Variants in NRXN1 observed in about 807,000 individuals in gnomAD.
NRXN1 encodes neurexin 1, also known as neurexin-1.
NRXN1 carries 39 observed loss-of-function variants against 150.9 expected under a neutral mutation model. The ratio of observed to expected loss-of-function variants is 0.26; its 90% CI spans 0.20 to 0.34. The LOEUF (loss-of-function observed/expected upper bound fraction) is 0.34, where lower values mean the gene tolerates loss of function less well. NRXN1 is among the 10% of genes least tolerant of loss of function. The pLI is 1.00. For synonymous variants in NRXN1, 924 were observed against 757.0 expected (o/e 1.22, Z -3.62); for missense variants, 1,815 against 1,949.9 (o/e 0.93, Z 1.30).
At chr2:50,344,169 C>G (rs2077753737) in intron 17 of NRXN1, among the ~76,000 whole-genome samples, 1 of 152,110 alleles carries the variant, frequency 6.6e-6, no homozygotes. Flanking sequence ...AAGCCATCAC[C>G]CTGCCTGCCG....
chr2:49,982,852 C>T (rs1299728566), intron 21 of NRXN1, among the ~76,000 whole-genome samples: 2 of 152,086 alleles, frequency 1.3e-5, no homozygotes, highest in Non-Finnish European at 2.9e-5. Context: ...GATTACTAGA[C>T]TAAAGACATA....
intron 18 of NRXN1, among the ~76,000 whole-genome samples, chr2:50,135,384 C>T (rs1367018555): frequency 6.6e-6 from 1 of 152,158 alleles, no homozygotes; most frequent in African/African-American, 2.4e-5. Flanking sequence ...TAAGTCTTTT[C>T]TTACAAACTG....
chr2:50,575,108 T>C (rs1411461589), intron 8 of NRXN1, among the ~76,000 whole-genome samples: 1 of 152,210 alleles, frequency 6.6e-6, no homozygotes, highest in Non-Finnish European at 1.5e-5. Flanking sequence ...AAGTTGTGTA[T>C]TAAATGATGT....
At chr2:50,703,303 T>G (rs577227456) in intron 5 of NRXN1, among the ~76,000 whole-genome samples, 1 of 152,174 alleles carries the variant, frequency 6.6e-6, no homozygotes, top group African/African-American at 2.4e-5. Flanking sequence ...ATGGCATATG[T>G]TTAACAGATC....
intron 17 of NRXN1, among the ~76,000 whole-genome samples, chr2:50,434,388 T>C (rs2085255107): frequency 1.3e-5 from 2 of 152,096 alleles, no homozygotes; most frequent in South Asian, 4.1e-4. Flanking sequence ...GGCCATCTTT[T>C]GCTTTTTCTA....
At chr2:50,236,742 G>A in intron 18 of NRXN1, 47 bp downstream of exon 18, 2 of 1,572,844 alleles carry the variant, frequency 1.3e-6, no homozygotes, top group Non-Finnish European at 8.7e-7. Flanking sequence ...TTTACAAAAA[G>A]TTAACAGTAA....
chr2:50,460,904 C>T (rs1175320284), intron 17 of NRXN1, among the ~76,000 whole-genome samples: 4 of 151,948 alleles, frequency 2.6e-5, no homozygotes, highest in African/African-American at 9.7e-5. Context: ...GTGGACATAG[C>T]TACTTGCTAA....
intron 12 of NRXN1, among the ~76,000 whole-genome samples, chr2:50,526,229 T>C (rs1016230497): frequency 6.6e-6 from 1 of 152,190 alleles, no homozygotes; most frequent in African/African-American, 2.4e-5. Flanking sequence ...TTAATATTAG[T>C]CTTTAATGTA....
intron 17 of NRXN1, among the ~76,000 whole-genome samples, chr2:50,289,419 C>G (rs1447375407): frequency 3.9e-5 from 6 of 152,044 alleles, no homozygotes; most frequent in African/African-American, 1.4e-4. Flanking sequence ...TAATGCTTCC[C>G]CCATCTAATA....
intron 18 of NRXN1, among the ~76,000 whole-genome samples, chr2:50,221,469 T>C (rs1315793385): frequency 1.3e-5 from 2 of 152,016 alleles, no homozygotes; most frequent in African/African-American, 2.4e-5. Context: ...TACATTGTAT[T>C]AGTAAAATTC....
intron 5 of NRXN1, among the ~76,000 whole-genome samples, chr2:50,709,388 TAC>T (rs1694851150): frequency 6.6e-6 from 1 of 152,078 alleles, no homozygotes; most frequent in Admixed American, 6.6e-5. Flanking sequence ...GAAATAGAAA[TAC>T]ACAGTGTTAT....
At chr2:50,214,807 G>T (rs1415085589) in intron 18 of NRXN1, among the ~76,000 whole-genome samples, 1 of 151,946 alleles carries the variant, frequency 6.6e-6, no homozygotes, top group African/African-American at 2.4e-5. Flanking sequence ...ATTGCACCAT[G>T]ATGACTTCAA....
chr2:50,279,606 C>A (rs920116232), intron 17 of NRXN1, among the ~76,000 whole-genome samples: 8 of 151,998 alleles, frequency 5.3e-5, no homozygotes, highest in Non-Finnish European at 1.0e-4. Context: ...ACATATCAAA[C>A]AACTCTGATG....
intron 21 of NRXN1, among the ~76,000 whole-genome samples, chr2:50,008,148 A>G (rs1041784903): frequency 1.3e-5 from 2 of 152,158 alleles, no homozygotes; most frequent in Admixed American, 6.6e-5. Context: ...GTATCTAGAC[A>G]TTCCCAAAAT....
chr2:50,578,224 T>C (rs1671729396), intron 8 of NRXN1, among the ~76,000 whole-genome samples: 2 of 152,138 alleles, frequency 1.3e-5, no homozygotes, highest in Non-Finnish European at 2.9e-5. Context: ...TAAACAAACT[T>C]TCAATTTCTC....
chr2:50,601,766 A>G (rs951608134), intron 8 of NRXN1, among the ~76,000 whole-genome samples: 1 of 152,234 alleles, frequency 6.6e-6, no homozygotes, highest in African/African-American at 2.4e-5. Flanking sequence ...TGTATGCCAT[A>G]CACATCATAC....
In NRXN1 at chr2:50,505,536, G is replaced by C. The variant is rs371536859; in HGVS notation, c.2497+959C>G. On this transcript the variant is annotated intron_variant, in intron 13 of 22. Transcript: ENST00000401669. ...CCCAGTTGTCCAAACTGTGGATGCTGATCTAAGAAACAATTCATTCCTCTT... is the reference window on the plus strand; with the variant it reads ...CCCAGTTGTCCAAACTGTGGATGCTCATCTAAGAAACAATTCATTCCTCTT... Among the ~76,000 whole-genome samples the C allele has an allele frequency of 3.3e-5, 5 of 152,260 alleles. No individual in the cohort carries two copies. The South Asian group carries it at 1.0e-3, about 32-fold the overall frequency.
chr2:50,125,624 A>G (rs144932758), intron 18 of NRXN1, among the ~76,000 whole-genome samples: 4 of 152,268 alleles, frequency 2.6e-5, no homozygotes, highest in African/African-American at 9.6e-5. Context: ...TCTTGGCTTT[A>G]ATATTAATAT....
intron 5 of NRXN1, among the ~76,000 whole-genome samples, chr2:50,825,402 C>T (rs1670308731): frequency 6.6e-6 from 1 of 152,118 alleles, no homozygotes; most frequent in Non-Finnish European, 1.5e-5. Context: ...AAACTTTCAG[C>T]CCCACCACCA....
Sources: gnomAD v4.1 joint callset for allele counts (sites outside exome capture counted in the v4.1 genomes callset) on GRCh38, gnomAD v4.1.1 for gene constraint, MANE v1.5 for transcripts, NCBI Gene and HGNC (gene_info 2026-07-23, HGNC 2026-07-21) for gene names.